Variants in REV1 observed in about 807,000 individuals in gnomAD.
REV1 encodes the protein REV1 DNA directed polymerase.
In REV1, 42 loss-of-function variants were observed where a neutral mutation model predicts 137.4. The ratio of observed to expected loss-of-function variants is 0.31; its 90% CI spans 0.24 to 0.40. The LOEUF (loss-of-function observed/expected upper bound fraction) is 0.40, where lower values mean the gene tolerates loss of function less well. Among genes scored for constraint, REV1 ranks in the 10% least tolerant of loss-of-function variants. The probability of loss-of-function intolerance (pLI) is 1.00; values close to 1 mark genes in which losing one functional copy is unlikely to be tolerated. For missense variants in REV1, 1,282 were observed against 1,490.1 expected (o/e 0.86, Z 2.30); for synonymous variants, 524 against 519.2 (o/e 1.01, Z -0.12).
chr2:99,422,682 TA>T lies in REV1; in HGVS notation c.1677-1030del, dbSNP rs778089217. ...CTGAGATAGGATTTCCCAAGGGTGG[TA>T]GAAGAACACTACTGTGGATATTTTT... On this transcript the variant is annotated intron_variant, in intron 10 of 22. Coordinates refer to ENST00000258428, the MANE Select transcript of REV1 (RefSeq NM_016316.4). 1.4e-3 allele frequency among the ~76,000 whole-genome samples: 208 copies of T among 152,308 alleles called. 1 individual carries two copies. Among genetic ancestry groups the T allele is most frequent in the Middle Eastern group, 3.4e-3 (1 of 294 alleles).
chr2:99,408,736 G>C (rs1015417621), intron 14 of REV1, among the ~76,000 whole-genome samples: 1 of 152,166 alleles, frequency 6.6e-6, no homozygotes, highest in African/African-American at 2.4e-5. Context: ...AGAGCCTTTT[G>C]AGCTTCTCTG....
intron 1 of REV1, among the ~76,000 whole-genome samples, chr2:99,476,796 A>G (rs1179126287): frequency 6.6e-6 from 1 of 152,204 alleles, no homozygotes; most frequent in East Asian, 1.9e-4. Flanking sequence ...CTTCCCTGAT[A>G]GGCAATCTCC....
chr2:99,480,919 T>C (rs1686541494), intron 1 of REV1, among the ~76,000 whole-genome samples: 1 of 152,236 alleles, frequency 6.6e-6, no homozygotes, highest in Admixed American at 6.5e-5. Flanking sequence ...TCTTATTCAA[T>C]GTAACAATTT....
Position 99,429,708 on chromosome 2 carries a change from T to C in REV1, c.1547+132A>G, listed in dbSNP as rs981511469. ...GGGGTTGTGGGGGGCATAGATGAGATGATTAAGGCTAAAACCTCATAACAC... is the reference window on the plus strand; with the variant it reads ...GGGGTTGTGGGGGGCATAGATGAGACGATTAAGGCTAAAACCTCATAACAC... On this transcript the variant is annotated intron_variant, in intron 9 of 22. Coordinates refer to ENST00000258428, the MANE Select transcript of REV1 (RefSeq NM_016316.4). The C allele has an allele frequency of 3.3e-5, 17 of 516,314 alleles. No homozygotes were observed. In the African/African-American group the frequency reaches 4.5e-4, roughly 14 times the overall value. The allele number at this position is 516,314 out of a possible 1,614,324, so 32.0% of individuals were successfully genotyped here. A position where few individuals can be genotyped will look rare whatever the true frequency, so the allele number is the denominator to read the frequency against.
rs1297301890 is a variant in REV1 at position 99,416,905 on chromosome 2, T to A, written c.1951+1923A>T. ...TCTAGCCTGGGCAACAGAGCAAGAC[T>A]CCATCTCAAAAAAAAAAAAAAAAAA... On this transcript the variant is annotated intron_variant, in intron 12 of 22. Transcript: ENST00000258428. Among the ~76,000 whole-genome samples, 4 of 59,102 alleles carry A rather than the reference T, an allele frequency of 6.8e-5. No homozygotes were observed. The Admixed American group carries it at 1.1e-3, about 16-fold the overall frequency. The allele number at this position is 59,102 out of a possible 152,430, so 38.8% of individuals were successfully genotyped here.
intron 15 of REV1, chr2:99,406,905 A>G (rs1034337779): frequency 6.5e-6 from 1 of 153,196 alleles, no homozygotes; most frequent in Non-Finnish European, 1.5e-5. Flanking sequence ...TATTGGCGGG[A>G]GTGATGAACA....
chr2:99,411,573 AT>A (rs1318456670), intron 13 of REV1, among the ~76,000 whole-genome samples: 8 of 151,038 alleles, frequency 5.3e-5, no homozygotes, highest in African/African-American at 1.9e-4. Flanking sequence ...TGTCTGGCTA[AT>A]TTTTTTGTAT....
At chr2:99,440,680 C>T (rs1681372511) in intron 5 of REV1, among the ~76,000 whole-genome samples, 1 of 152,184 alleles carries the variant, frequency 6.6e-6, no homozygotes, top group Non-Finnish European at 1.5e-5. Context: ...AAACAGAATG[C>T]AAGGGAGCAA....
At chr2:99,417,315 T>C (rs1349160750) in intron 12 of REV1, among the ~76,000 whole-genome samples, 1 of 152,072 alleles carries the variant, frequency 6.6e-6, no homozygotes, top group Non-Finnish European at 1.5e-5. Context: ...TAATTTTTTT[T>C]GTAGTTCTAG....
At chr2:99,418,803 G>A (rs1207786195) in intron 12 of REV1, 25 bp downstream of exon 12, 6 of 1,595,560 alleles carry the variant, frequency 3.8e-6, no homozygotes, top group Non-Finnish European at 5.2e-6. Context: ...TGTAATAAAA[G>A]TATTGTTAAA....
At position 99,473,375 on chromosome 2, in the gene REV1, A is replaced by AAAAAG. The variant is rs1266092384; in HGVS notation, c.-10-8395_-10-8391dup. Reference sequence around the variant, plus strand: ...AGAGCGAGACTGTCTCAAAAAAAAAAAAAAGAAAAGAAAAGAAAAGAAAAA... The same window carrying AAAAAG: ...AGAGCGAGACTGTCTCAAAAAAAAAAAAAAGAAAAGAAAAGAAAAGAAAAGAAAAA... On this transcript the variant is annotated intron_variant, in intron 1 of 22. Coordinates refer to ENST00000258428, the MANE Select transcript of REV1 (RefSeq NM_016316.4). Among the ~76,000 whole-genome samples the AAAAAG allele has an allele frequency of 2.1e-4, 32 of 151,618 alleles. No homozygotes were observed. In the East Asian group the frequency reaches 4.5e-3, roughly 21 times the overall value.
intron 1 of REV1, among the ~76,000 whole-genome samples, chr2:99,476,898 T>G (rs1326947004): frequency 1.3e-5 from 2 of 152,234 alleles, no homozygotes; most frequent in East Asian, 1.9e-4. Flanking sequence ...TGGACTCTTC[T>G]GTGTGCCCCA....
chr2:99,473,889 C>A (rs1046859044), intron 1 of REV1, among the ~76,000 whole-genome samples: 1 of 152,188 alleles, frequency 6.6e-6, no homozygotes, highest in African/African-American at 2.4e-5. Flanking sequence ...TCCTTCATCA[C>A]TGACTTGTGT....
chr2:99,435,895 C>T lies in REV1; in HGVS notation c.1260G>A (p.Met420Ile), dbSNP rs371046946. Residue 420 changes from methionine (M) to isoleucine (I), a missense_variant, in exon 7 of 23, where the codon ATG (methionine) becomes ATA (isoleucine). Around this residue, in one of 7 missense-constraint regions of REV1, gnomAD observed 432 missense variants for 438.0 expected, o/e 0.99. Transcript: ENST00000258428. Reference sequence around the variant, plus strand: ...CAAAGAAGCAATCCATATCAACATGCATTATACAGCTCTGATGTCTGGGAG... The same window carrying T: ...CAAAGAAGCAATCCATATCAACATGTATTATACAGCTCTGATGTCTGGGAG... ...LNSPRHQSCI[M>I]HVDMDCFFVS... is the part of the protein sequence containing the mutation. 9 of 1,608,776 alleles carry T rather than the reference C, an allele frequency of 5.6e-6. No individual in the cohort carries two copies. Among genetic ancestry groups the T allele is most frequent in the Admixed American group, 1.7e-5 (1 of 59,822 alleles).
intron 6 of REV1, 117 bp from the exon 7 acceptor site, chr2:99,436,058 T>C (rs1680707623): frequency 1.5e-6 from 1 of 667,212 alleles, no homozygotes; most frequent in South Asian, 1.8e-5. Flanking sequence ...ATGGAGTCTT[T>C]TTAAAAAACC....
intron 14 of REV1, among the ~76,000 whole-genome samples, chr2:99,409,410 C>T (rs966681941): frequency 6.6e-6 from 1 of 152,166 alleles, no homozygotes; most frequent in South Asian, 2.1e-4. Flanking sequence ...AAGTAGCTTT[C>T]AGTGTCAAAA....
rs958533225 is a variant in REV1 at position 99,452,443 on chromosome 2, GA to G, written c.182-2940del. Among the ~76,000 whole-genome samples, 39 of 141,896 alleles carry G rather than the reference GA, an allele frequency of 2.7e-4. No homozygotes were observed. In the Middle Eastern group the frequency reaches 0.011, roughly 41 times the overall value. 93.1% of individuals were successfully genotyped at this position (141,896 alleles called of 152,430 possible). A position where few individuals can be genotyped will look rare whatever the true frequency, so the allele number is the denominator to read the frequency against. ...GTCTAAAAAAAAAAAAAAAGGAAAA[GA>G]AAAAAAAAGGGGGAGATAATATCCA... On this transcript the variant is annotated intron_variant, in intron 3 of 22. Transcript: ENST00000258428.
intron 3 of REV1, among the ~76,000 whole-genome samples, chr2:99,452,256 C>T (rs1443791840): frequency 6.6e-6 from 1 of 151,806 alleles, no homozygotes; most frequent in Non-Finnish European, 1.5e-5. Context: ...GAGACCCTGT[C>T]TCTACAAAAT....
chr2:99,444,182 T>G (rs149161539), intron 4 of REV1, among the ~76,000 whole-genome samples: 9 of 152,344 alleles, frequency 5.9e-5, no homozygotes, highest in African/African-American at 2.2e-4. Context: ...TGTGGTATTA[T>G]GTATATCAAA....
Sources: gnomAD v4.1 joint callset for allele counts (sites outside exome capture counted in the v4.1 genomes callset) on GRCh38, gnomAD v4.1.1 for gene constraint, gnomAD v4.1.1 regional missense constraint, MANE v1.5 for transcripts, NCBI Gene and HGNC (gene_info 2026-07-23, HGNC 2026-07-21) for gene names.